DPP10: variants seen among roughly 807,000 people sequenced by gnomAD.
DPP10 encodes the protein dipeptidyl peptidase like 10.
In DPP10, 33 loss-of-function variants were observed where a neutral mutation model predicts 120.9. That is an observed-to-expected ratio of 0.27 (90% confidence interval 0.21 to 0.37). The LOEUF (loss-of-function observed/expected upper bound fraction) is 0.37. Ranked by LOEUF, DPP10 falls within the 10% of genes least tolerant of loss-of-function variation. The pLI is 1.00. For missense variants in DPP10, 816 were observed against 942.8 expected (o/e 0.87, Z 1.76); for synonymous variants, 337 against 326.1 (o/e 1.03, Z -0.36).
chr2:114,517,276 T>A (rs576207885), intron 1 of DPP10, among the ~76,000 whole-genome samples: 1 of 152,106 alleles, frequency 6.6e-6, no homozygotes, highest in African/African-American at 2.4e-5. Context: ...ATCCCAACAC[T>A]TTGGGAGGCC....
chr2:114,816,994 A>T (rs527375100), intron 1 of DPP10, among the ~76,000 whole-genome samples: 1 of 152,360 alleles, frequency 6.6e-6, no homozygotes, highest in East Asian at 1.9e-4. Context: ...TTCTGGCTAT[A>T]AAACAAGCAT....
chr2:115,468,852 G>A, intron 3 of DPP10: 2 of 416,972 alleles, frequency 4.8e-6, no homozygotes, highest in South Asian at 1.9e-5. Context: ...GAAGACTGGA[G>A]CACTCAAGAC....
intron 1 of DPP10, among the ~76,000 whole-genome samples, chr2:115,119,640 G>A (rs1190109977): frequency 6.6e-6 from 1 of 152,168 alleles, no homozygotes; most frequent in Non-Finnish European, 1.5e-5. Context: ...ATGGGTTGGT[G>A]AAAGTGGTAT....
At chr2:115,576,075 A>G (rs2081636159) in intron 5 of DPP10, among the ~76,000 whole-genome samples, 1 of 152,146 alleles carries the variant, frequency 6.6e-6, no homozygotes, top group Admixed American at 6.5e-5. Context: ...CTCATGTTGG[A>G]CTTGTGACCT....
intron 3 of DPP10, among the ~76,000 whole-genome samples, chr2:115,470,001 C>T (rs909245454): frequency 1.6e-4 from 24 of 150,354 alleles, no homozygotes; most frequent in African/African-American, 4.9e-4. Context: ...TTAAATGAAA[C>T]GTGGAAAATC....
chr2:114,555,658 T>A (rs940578938), intron 1 of DPP10, among the ~76,000 whole-genome samples: 4 of 152,210 alleles, frequency 2.6e-5, no homozygotes, highest in African/African-American at 9.7e-5. Context: ...ACAGGGAGCC[T>A]TCTTTCAGCA....
intron 2 of DPP10, chr2:115,342,032 A>G (rs2063471991): frequency 2.6e-6 from 1 of 382,884 alleles, no homozygotes; most frequent in South Asian, 2.0e-5. Flanking sequence ...TTATTTTCCA[A>G]AGTGACTGTA....
chr2:114,916,428 A>G (rs1694806881), intron 1 of DPP10, among the ~76,000 whole-genome samples: 1 of 152,212 alleles, frequency 6.6e-6, no homozygotes, highest in African/African-American at 2.4e-5. Context: ...TATGGAAACT[A>G]TTCAAAAAAT....
chr2:115,223,020 G>A (rs1480249008), intron 1 of DPP10, among the ~76,000 whole-genome samples: 1 of 152,062 alleles, frequency 6.6e-6, no homozygotes, highest in Non-Finnish European at 1.5e-5. Context: ...AATAGATCTG[G>A]TAGCAATATT....
chr2:115,146,102 A>G (rs1417739818), intron 1 of DPP10, among the ~76,000 whole-genome samples: 6 of 152,148 alleles, frequency 3.9e-5, no homozygotes, highest in African/African-American at 9.6e-5. Flanking sequence ...AGTTAAGTAC[A>G]CTGCTAGTAA....
intron 3 of DPP10, among the ~76,000 whole-genome samples, chr2:115,473,796 T>C (rs2074891413): frequency 6.6e-6 from 1 of 152,230 alleles, no homozygotes. Context: ...GAGAACATTA[T>C]TTTTATTCCT....
chr2:115,711,101 T>C (rs984532286), intron 7 of DPP10, among the ~76,000 whole-genome samples: 4 of 152,146 alleles, frequency 2.6e-5, no homozygotes, highest in Non-Finnish European at 5.9e-5. Context: ...CTGAAATTCG[T>C]ATAGCACAAT....
intron 1 of DPP10, among the ~76,000 whole-genome samples, chr2:114,945,353 T>C (rs1558907522): frequency 6.6e-6 from 1 of 152,186 alleles, no homozygotes; most frequent in Non-Finnish European, 1.5e-5. Context: ...TAAGGGATTG[T>C]ATGCAAAATA....
chr2:115,550,959 T>C (rs1399747252), intron 5 of DPP10, among the ~76,000 whole-genome samples: 2 of 152,160 alleles, frequency 1.3e-5, no homozygotes, highest in African/African-American at 4.8e-5. Context: ...ATTCAAAATA[T>C]AATTTATTGT....
intron 1 of DPP10, among the ~76,000 whole-genome samples, chr2:115,305,492 G>A (rs2061324712): frequency 6.6e-6 from 1 of 152,006 alleles, no homozygotes; most frequent in African/African-American, 2.4e-5. Flanking sequence ...CAGAGCTTTG[G>A]GAGACTGACA....
chr2:114,856,448 A>G (rs1689374284), intron 1 of DPP10, among the ~76,000 whole-genome samples: 1 of 152,208 alleles, frequency 6.6e-6, no homozygotes, highest in Non-Finnish European at 1.5e-5. Context: ...TCAATATGTC[A>G]TCTGTGACAA....
chr2:115,137,764 G>T (rs1395330125), intron 1 of DPP10, among the ~76,000 whole-genome samples: 3 of 152,200 alleles, frequency 2.0e-5, no homozygotes, highest in Non-Finnish European at 4.4e-5. Flanking sequence ...AGAAGGCAGG[G>T]CGTAGAGAAT....
intron 24 of DPP10, among the ~76,000 whole-genome samples, chr2:115,840,430 T>TTCTCCTGC (rs1690016511): frequency 7.0e-6 from 1 of 143,298 alleles, no homozygotes; most frequent in Non-Finnish European, 1.5e-5. Flanking sequence ...GTTCACGCCA[T>TTCTCCTGC]TCTCCTGCCT....
At chr2:115,067,678 A>G (rs548244705) in intron 1 of DPP10, among the ~76,000 whole-genome samples, 4 of 146,710 alleles carry the variant, frequency 2.7e-5, no homozygotes, top group Non-Finnish European at 4.5e-5. Context: ...CCTGGCTAAC[A>G]CGGTGAAACC....
Sources: allele counts gnomAD v4.1 joint callset (sites outside exome capture counted in the v4.1 genomes callset), GRCh38; gene constraint gnomAD v4.1.1; transcripts MANE v1.5; gene names NCBI Gene and HGNC (gene_info 2026-07-23, HGNC 2026-07-21).